The following MTCH1 variants were observed in gnomAD, a reference collection of about 807,000 sequenced individuals.
The protein encoded by MTCH1 is mitochondrial carrier 1, also known as mitochondrial carrier homolog 1.
A neutral mutation model predicts 49.3 loss-of-function variants in MTCH1; 23 were observed. That is an observed-to-expected ratio of 0.47 (90% CI 0.34 to 0.66). MTCH1 has a LOEUF of 0.66. Among genes scored for constraint, MTCH1 ranks in the 30% least tolerant of loss-of-function variants. MTCH1 has a pLI of 0.01. For missense variants in MTCH1, 397 were observed against 532.1 expected (o/e 0.75, Z 2.50); for synonymous variants, 229 against 215.2 (o/e 1.06, Z -0.56).
intron 2 of MTCH1, among the ~76,000 whole-genome samples, chr6:36,980,592 A>C (rs1764051215): frequency 6.6e-6 from 1 of 152,276 alleles, no homozygotes; most frequent in African/African-American, 2.4e-5. Context: ...ACTGGAAGAG[A>C]AATATGACAC....
intron 1 of MTCH1, among the ~76,000 whole-genome samples, 189 bp downstream of exon 1, chr6:36,985,664 C>T (rs983492397): frequency 1.3e-5 from 2 of 152,060 alleles, no homozygotes; most frequent in African/African-American, 4.8e-5. Flanking sequence ...ATCCTAAAAC[C>T]CGTGACCCCT....
In MTCH1 at chr6:36,972,824, C is replaced by G; in HGVS notation, c.762-28G>C. ...AAAAAACAAGGTAAGCAGAGATGAG[C>G]AGGAGAGGGAGAGGAGCAGTTCCTG... On this transcript the variant is annotated intron_variant, in intron 7 of 11. Coordinates refer to ENST00000373627, the MANE Select transcript of MTCH1 (RefSeq NM_001271641.2). The surrounding 1 kb of genome is among the most constrained non-coding windows in gnomAD (Gnocchi z 4.1). 6.5e-7 allele frequency: 1 copy of G among 1,533,578 alleles called. No homozygotes were observed. The highest frequency in any genetic ancestry group is 2.5e-5 in the East Asian group (1 of 40,424). The allele number at this position is 1,533,578 out of a possible 1,614,324, so 95.0% of individuals were successfully genotyped here.
At chr6:36,975,567 C>A (rs1763848306) in intron 7 of MTCH1, 91 bp downstream of exon 7, 1 of 1,302,756 alleles carries the variant, frequency 7.7e-7, no homozygotes, top group Non-Finnish European at 1.1e-6. Flanking sequence ...AGTGAAGTCC[C>A]AGGCCAGCAG....
chr6:36,972,566 T>C lies in MTCH1; in HGVS notation c.906+86A>G, dbSNP rs1676451036. The C allele has an allele frequency of 2.1e-6, 3 of 1,457,082 alleles. No individual in the cohort carries two copies. The highest frequency in any genetic ancestry group is 2.2e-5 in the Admixed American group (1 of 45,408). 90.3% of individuals were successfully genotyped at this position (1,457,082 alleles called of 1,614,324 possible). ...CTCTCTCACCCTCCCGGCCTGATGC[T>C]GAGAATCCCAGAATCCTTGAGTTTG... On this transcript the variant is annotated intron_variant, in intron 8 of 11. Coordinates refer to ENST00000373627, the MANE Select transcript of MTCH1 (RefSeq NM_001271641.2). This position sits in a 1 kb window ranked among gnomAD's most constrained non-coding sequence, Gnocchi z 4.1.
In MTCH1 at chr6:36,970,632, G is replaced by A; in HGVS notation, c.954+15C>T. 2 of 1,614,188 alleles carry A rather than the reference G, an allele frequency of 1.2e-6. No homozygotes were observed. The highest frequency in any genetic ancestry group is 4.5e-5 in the East Asian group (2 of 44,886). On this transcript the variant is annotated intron_variant, in intron 9 of 11. Transcript: ENST00000373627. ...CGCAAGGCAGTGGGAAGGAAGGACA[G>A]CTGGCACAACTTACCCCCATCACGA...
In MTCH1 at chr6:36,982,677, C is replaced by T. The variant is rs1381574045; in HGVS notation, c.322-1005G>A. On this transcript the variant is annotated intron_variant, in intron 1 of 11. Transcript: ENST00000373627. This position sits in a 1 kb window ranked among gnomAD's most constrained non-coding sequence, Gnocchi z 4.1. ...GTGCTGGGATTACAGGCATGAGCCA[C>T]TGCGCCCAGCCTGAAATATTTATTA... 5.9e-5 allele frequency among the ~76,000 whole-genome samples: 9 copies of T among 152,252 alleles called. No homozygotes were observed. The highest frequency in any genetic ancestry group is 9.6e-5 in the African/African-American group (4 of 41,464).
rs532871417 is a variant in MTCH1, at chr6:36,975,408, A to G, written c.761+250T>C. On this transcript the variant is annotated intron_variant, in intron 7 of 11. Coordinates refer to ENST00000373627, the MANE Select transcript of MTCH1 (RefSeq NM_001271641.2). ...CACCCACCACAACTGGATGAGGCCC[A>G]GTGGGGCTGGTCAGTTCATCTCCCC... is the stretch of plus-strand genomic sequence containing the variant. Among the ~76,000 whole-genome samples, 5 of 152,338 alleles carry G rather than the reference A, an allele frequency of 3.3e-5. No individual in the cohort carries two copies. The South Asian group carries it at 1.0e-3, about 32-fold the overall frequency.
At chr6:36,985,722 CCCCCAAA>C in intron 1 of MTCH1, 124 bp downstream of exon 1, 1 of 454,584 alleles carries the variant, frequency 2.2e-6, no homozygotes, top group Non-Finnish European at 4.0e-6. Context: ...CCCACTCGGC[CCCCCAAA>C]CCCGCCGTCC....
chr6:36,971,129 C>T (rs896498609), intron 8 of MTCH1, among the ~76,000 whole-genome samples: 9 of 152,138 alleles, frequency 5.9e-5, no homozygotes, highest in African/African-American at 1.7e-4. Flanking sequence ...CCCTTCAGAC[C>T]CCAACTCCTC....
intron 8 of MTCH1, among the ~76,000 whole-genome samples, chr6:36,971,704 C>A (rs1384615310): frequency 2.0e-5 from 3 of 152,196 alleles, no homozygotes; most frequent in Non-Finnish European, 4.4e-5. Context: ...ACCACACACA[C>A]ACACATGCTG....
At chr6:36,981,957 A>C (rs1764112349) in intron 1 of MTCH1, among the ~76,000 whole-genome samples, 1 of 152,184 alleles carries the variant, frequency 6.6e-6, no homozygotes, top group Non-Finnish European at 1.5e-5. Context: ...CAAATCCCAA[A>C]TATTCCCAGT....
chr6:36,986,523 A>C (rs1434113807), upstream of MTCH1, among the ~76,000 whole-genome samples: 4 of 151,418 alleles, frequency 2.6e-5, no homozygotes, highest in African/African-American at 9.7e-5. Context: ...CTTCCAAGCC[A>C]CCTCCCTGGC....
chr6:36,969,354 C>T lies in MTCH1; in HGVS notation c.1099-380G>A, dbSNP rs183490524. 20 of 1,095,576 alleles carry T rather than the reference C, an allele frequency of 1.8e-5. No individual in the cohort carries two copies. The Admixed American group carries it at 6.3e-4, about 35-fold the overall frequency. 67.9% of individuals were successfully genotyped at this position (1,095,576 alleles called of 1,614,324 possible). On this transcript the variant is annotated intron_variant, in intron 11 of 11. Transcript: ENST00000373627. Reference sequence around the variant, plus strand: ...CCTCCCTGCTTCCCTCCCATCTGTCCTCTTCTCAGCCTCGAGGCCACTCAG... The same window carrying T: ...CCTCCCTGCTTCCCTCCCATCTGTCTTCTTCTCAGCCTCGAGGCCACTCAG...
At chr6:36,978,874 CCTT>C (rs1440615608) in intron 2 of MTCH1, among the ~76,000 whole-genome samples, 4 of 121,248 alleles carry the variant, frequency 3.3e-5, no homozygotes, top group Non-Finnish European at 5.0e-5. Flanking sequence ...CTCCCTCCCT[CCTT>C]TTTTTTTTTT....
intron 2 of MTCH1, among the ~76,000 whole-genome samples, 169 bp downstream of exon 2, chr6:36,981,419 C>T (rs536952088): frequency 3.9e-5 from 6 of 152,310 alleles, no homozygotes; most frequent in Non-Finnish European, 7.3e-5. Context: ...TTCACCTGCT[C>T]GCACCCCGAC....
chr6:36,978,875 C>CTTT (rs11322816), intron 2 of MTCH1, among the ~76,000 whole-genome samples: 5,189 of 99,456 alleles, frequency 0.052, 172 homozygotes, highest in Middle Eastern at 0.11. Context: ...TCCCTCCCTC[C>CTTT]TTTTTTTTTT....
Position 36,970,639 on chromosome 6 carries a change from C to A in MTCH1, c.954+8G>T. The A allele has an allele frequency of 1.2e-6, 2 of 1,614,224 alleles. No homozygotes were observed. Among genetic ancestry groups the A allele is most frequent in the Non-Finnish European group, 1.7e-6 (2 of 1,180,032 alleles). On this transcript the variant is annotated splice_region_variant and intron_variant, in intron 9 of 11. Transcript: ENST00000373627. ...CAGTGGGAAGGAAGGACAGCTGGCA[C>A]AACTTACCCCCATCACGAACTTGGT...
chr6:36,985,933 T>C lies in MTCH1; in HGVS notation c.241A>G (p.Thr81Ala). 6.4e-7 allele frequency: 1 copy of C among 1,552,938 alleles called. No homozygotes were observed. Among genetic ancestry groups the C allele is most frequent in the Non-Finnish European group, 8.7e-7 (1 of 1,148,376 alleles). Residue 81 changes from threonine (T) to alanine (A), a missense_variant, in exon 1 of 12, where the codon ACT becomes GCT. Transcript: ENST00000373627. ...CCCAGTGCCACGAAAAGAGCCTCAG[T>C]GGTCGGGGCGTTGTCCCCAGACCCC... is the stretch of plus-strand genomic sequence containing the variant. ...GLGSGDNAPT[T>A]EALFVALGAG...
chr6:36,972,928 G>A lies in MTCH1; in HGVS notation c.762-132C>T, dbSNP rs1763732934. ...ATATCCAATGGCACAGCCTTAGAAA[G>A]GAGGCCTGCAGGGTCCAGCAGCTAT... On this transcript the variant is annotated intron_variant, in intron 7 of 11. Coordinates refer to ENST00000373627, the MANE Select transcript of MTCH1 (RefSeq NM_001271641.2). The surrounding 1 kb of genome is among the most constrained non-coding windows in gnomAD (Gnocchi z 4.1). The A allele has an allele frequency of 2.1e-6, 2 of 930,884 alleles. No homozygotes were observed. The highest frequency in any genetic ancestry group is 1.7e-5 in the South Asian group (1 of 57,258). The allele number at this position is 930,884 out of a possible 1,614,324, so 57.7% of individuals were successfully genotyped here. A position where few individuals can be genotyped will look rare whatever the true frequency, so the allele number is the denominator to read the frequency against.
Sources: gnomAD v4.1 joint callset for allele counts (sites outside exome capture counted in the v4.1 genomes callset) on GRCh38, gnomAD v4.1.1 for gene constraint, Gnocchi (gnomAD v3.1) non-coding constraint, MANE v1.5 for transcripts, NCBI Gene and HGNC (gene_info 2026-07-23, HGNC 2026-07-21) for gene names.